TRPC7: variants seen among roughly 807,000 people sequenced by gnomAD.
TRPC7 encodes transient receptor potential cation channel subfamily C member 7, also known as short transient receptor potential channel 7.
TRPC7 carries 42 observed loss-of-function variants against 90.1 expected under a neutral mutation model. That is an observed-to-expected ratio of 0.47 (90% CI 0.36 to 0.60). TRPC7 has a LOEUF of 0.60. Ranked by LOEUF, TRPC7 falls within the 20% of genes least tolerant of loss-of-function variation. The pLI is 0.00. For missense variants in TRPC7, 955 were observed against 1,112.3 expected (o/e 0.86, Z 2.01); for synonymous variants, 451 against 436.3 (o/e 1.03, Z -0.42).
intron 6 of TRPC7, among the ~76,000 whole-genome samples, chr5:136,251,090 T>C (rs1013132154): frequency 2.0e-5 from 3 of 152,198 alleles, no homozygotes; most frequent in Admixed American, 1.3e-4. Context: ...TCAATAAACA[T>C]ATGTTATAAC....
chr5:136,350,054 G>A (rs1760140849), intron 2 of TRPC7, among the ~76,000 whole-genome samples: 1 of 152,162 alleles, frequency 6.6e-6, no homozygotes, highest in South Asian at 2.1e-4. Flanking sequence ...ATCCCATATA[G>A]CCCAGGTGTG....
rs554954939 is a variant in TRPC7 at position 136,333,587 on chromosome 5, G to A, written c.781-17808C>T. Among the ~76,000 whole-genome samples the A allele has an allele frequency of 1.2e-3, 190 of 152,328 alleles. 2 individuals are homozygous for A. Among genetic ancestry groups the A allele is most frequent in the Non-Finnish European group, 2.2e-3 (151 of 68,034 alleles). ...TCCTTCTGGCCTTATGTGGAGGACA[G>A]CTTCAGTGTTTCAGATTTCATGGCC... On this transcript the variant is annotated intron_variant, in intron 2 of 11. Transcript: ENST00000513104.
intron 10 of TRPC7, among the ~76,000 whole-genome samples, chr5:136,217,299 C>T (rs571213117): frequency 6.6e-6 from 1 of 152,242 alleles, no homozygotes; most frequent in Non-Finnish European, 1.5e-5. Flanking sequence ...GCTACATAGG[C>T]TGAGGAAAAG....
At chr5:136,223,737 T>C (rs1177214119) in intron 10 of TRPC7, among the ~76,000 whole-genome samples, 1 of 152,242 alleles carries the variant, frequency 6.6e-6, no homozygotes, top group Non-Finnish European at 1.5e-5. Context: ...TCTCAGGAGC[T>C]AATTCTGCTC....
rs749162066 is a variant in TRPC7, at chr5:136,231,348, C to T, written c.2040+6G>A. On this transcript the variant is annotated splice_donor_region_variant and intron_variant, in intron 8 of 11. Coordinates refer to ENST00000513104, the MANE Select transcript of TRPC7 (RefSeq NM_020389.3). ...AGAGCAAGCATTTTCAGTGACCTGGCCTTACCTCAATTTCCTGATAGGAGT... is the reference window on the plus strand; with the variant it reads ...AGAGCAAGCATTTTCAGTGACCTGGTCTTACCTCAATTTCCTGATAGGAGT... 6.3e-7 allele frequency: 1 copy of T among 1,586,326 alleles called. No homozygotes were observed. Among genetic ancestry groups the T allele is most frequent in the African/African-American group, 1.3e-5 (1 of 74,552 alleles).
chr5:136,342,667 T>C (rs1759881546), intron 2 of TRPC7, among the ~76,000 whole-genome samples: 1 of 152,224 alleles, frequency 6.6e-6, no homozygotes, highest in Admixed American at 6.5e-5. Flanking sequence ...GTTTTATTGA[T>C]GGTGACACTA....
At chr5:136,225,582 A>C (rs1200915037) in intron 9 of TRPC7, among the ~76,000 whole-genome samples, 1 of 151,030 alleles carries the variant, frequency 6.6e-6, no homozygotes, top group Admixed American at 6.6e-5. Flanking sequence ...CTTGGTTGGA[A>C]AGCACTGAAT....
intron 2 of TRPC7, among the ~76,000 whole-genome samples, chr5:136,344,340 T>C (rs1340792746): frequency 6.6e-6 from 1 of 152,164 alleles, no homozygotes; most frequent in East Asian, 1.9e-4. Context: ...GTGGTACTTA[T>C]TACCTGTATG....
rs768648385 is a variant in TRPC7 at position 136,248,374 on chromosome 5, C to T, written c.1580-639G>A. 2.2e-4 allele frequency among the ~76,000 whole-genome samples: 34 copies of T among 152,194 alleles called. 1 individual carries two copies. The highest frequency in any genetic ancestry group is 4.4e-4 in the Non-Finnish European group (30 of 68,044). Reference sequence around the variant, plus strand: ...GTGGAGAGGATGAAATGAAATCATACATGTAAAGTGCTCAGCACAGGGTCT... The same window carrying T: ...GTGGAGAGGATGAAATGAAATCATATATGTAAAGTGCTCAGCACAGGGTCT... On this transcript the variant is annotated intron_variant, in intron 6 of 11. Coordinates refer to ENST00000513104, the MANE Select transcript of TRPC7 (RefSeq NM_020389.3).
At chr5:136,316,465 A>G (rs1333847614) in intron 2 of TRPC7, among the ~76,000 whole-genome samples, 6 of 152,236 alleles carry the variant, frequency 3.9e-5, no homozygotes, top group African/African-American at 2.4e-5. Flanking sequence ...CTTCCTAGAA[A>G]TCCTTTTGTA....
At chr5:136,351,359 AG>A (rs1213098420) in intron 2 of TRPC7, among the ~76,000 whole-genome samples, 1 of 152,254 alleles carries the variant, frequency 6.6e-6, no homozygotes, top group African/African-American at 2.4e-5. Flanking sequence ...ACAATTTTCA[AG>A]TCATTTCCTG....
At chr5:136,354,932 A>G (rs1289029856) in intron 2 of TRPC7, among the ~76,000 whole-genome samples, 2 of 152,164 alleles carry the variant, frequency 1.3e-5, no homozygotes, top group Non-Finnish European at 2.9e-5. Context: ...GCCCAACCCA[A>G]TTACATCTCC....
chr5:136,353,987 A>C (rs945299711), intron 2 of TRPC7, among the ~76,000 whole-genome samples: 2 of 152,330 alleles, frequency 1.3e-5, no homozygotes, highest in East Asian at 3.9e-4. Context: ...TCCAAATGTT[A>C]GTTTAGTATC....
intron 3 of TRPC7, among the ~76,000 whole-genome samples, chr5:136,277,876 G>A (rs1386755323): frequency 6.6e-6 from 1 of 152,182 alleles, no homozygotes; most frequent in Non-Finnish European, 1.5e-5. Context: ...ATTCTTGAAG[G>A]GAAGAACTGA....
chr5:136,232,227 C>T (rs1050924356), intron 7 of TRPC7, among the ~76,000 whole-genome samples: 1 of 152,172 alleles, frequency 6.6e-6, no homozygotes, highest in South Asian at 2.1e-4. Context: ...TTCCATTAAG[C>T]CCTAACCATT....
At chr5:136,290,442 T>G (rs945433607) in intron 3 of TRPC7, among the ~76,000 whole-genome samples, 2 of 152,082 alleles carry the variant, frequency 1.3e-5, no homozygotes, top group Non-Finnish European at 1.5e-5. Flanking sequence ...AGAGAAGTCC[T>G]TAAAGGACCT....
intron 5 of TRPC7, among the ~76,000 whole-genome samples, chr5:136,259,616 A>G (rs1019120922): frequency 1.8e-4 from 28 of 152,218 alleles, no homozygotes; most frequent in African/African-American, 6.5e-4. Context: ...CTCTAGTGCT[A>G]TAATCTCTAG....
At chr5:136,243,618 A>C (rs1015863295) in intron 7 of TRPC7, among the ~76,000 whole-genome samples, 3 of 151,304 alleles carry the variant, frequency 2.0e-5, no homozygotes, top group African/African-American at 7.3e-5. Flanking sequence ...GCTGGCACTC[A>C]GAACAGCTTT....
intron 7 of TRPC7, among the ~76,000 whole-genome samples, chr5:136,239,406 G>A (rs1012487198): frequency 9.9e-5 from 15 of 152,164 alleles, no homozygotes; most frequent in Non-Finnish European, 7.3e-5. Flanking sequence ...TTTCAACACC[G>A]ACCCAGGATC....
Sources: allele counts gnomAD v4.1 joint callset (sites outside exome capture counted in the v4.1 genomes callset), GRCh38; gene constraint gnomAD v4.1.1; transcripts MANE v1.5; gene names NCBI Gene and HGNC (gene_info 2026-07-23, HGNC 2026-07-21).